The following IL1RAPL1 variants were observed in gnomAD, a reference collection of about 807,000 sequenced individuals.
IL1RAPL1 encodes interleukin-1 receptor accessory protein-like 1.
Under a neutral mutation model 48.4 loss-of-function variants are expected in IL1RAPL1, and 3 were observed. The observed-to-expected ratio is 0.06, with a 90% CI of 0.03 to 0.16. IL1RAPL1 has a LOEUF of 0.16. IL1RAPL1 is among the 10% of genes least tolerant of loss of function. The pLI, the probability that IL1RAPL1 is intolerant of heterozygous loss-of-function variation, is 1.00. For synonymous variants in IL1RAPL1, 185 were observed against 187.7 expected (o/e 0.99, Z 0.12); for missense variants, 349 against 530.6 (o/e 0.66, Z 3.36).
At chrX:29,271,782 C>T (rs1416173725) in intron 2 of IL1RAPL1, among the ~76,000 whole-genome samples, 5 of 111,993 alleles carry the variant, frequency 4.5e-5, no homozygotes, top group African/African-American at 1.6e-4. Context: ...GTTGGATGCA[C>T]AGTTTGCAAA....
In IL1RAPL1 at chrX:28,690,287, C is replaced by T. The variant is rs772923748; in HGVS notation, c.-24-99033C>T. Among the ~76,000 whole-genome samples the T allele has an allele frequency of 1.7e-4, 19 of 111,877 alleles. No homozygotes were observed. The East Asian group carries it at 2.8e-3, about 17-fold the overall frequency. On this transcript the variant is annotated intron_variant, in intron 1 of 10. Coordinates refer to ENST00000378993, the MANE Select transcript of IL1RAPL1 (RefSeq NM_014271.4). ...ATCGTACTTTCTCTTTGACCTTCTTCGCCTAAAGATATAACCAACTCCTAG... is the reference window on the plus strand; with the variant it reads ...ATCGTACTTTCTCTTTGACCTTCTTTGCCTAAAGATATAACCAACTCCTAG...
At chrX:29,089,708 T>C (rs1928037274) in intron 2 of IL1RAPL1, among the ~76,000 whole-genome samples, 1 of 89,342 alleles carries the variant, frequency 1.1e-5, no homozygotes, top group Admixed American at 1.3e-4. Flanking sequence ...ATTTTCCTTA[T>C]GGTCGTCGTT....
chrX:29,267,656 A>G (rs756240005), intron 2 of IL1RAPL1, among the ~76,000 whole-genome samples: 1 of 111,972 alleles, frequency 8.9e-6, no homozygotes, highest in African/African-American at 3.2e-5. Flanking sequence ...AATAAAAAAA[A>G]AATTCCATTT....
intron 2 of IL1RAPL1, among the ~76,000 whole-genome samples, chrX:28,820,788 C>G (rs149797375): frequency 3.1e-3 from 344 of 111,169 alleles, no homozygotes; most frequent in Non-Finnish European, 3.7e-3. Context: ...CACTCAGGAG[C>G]TGCCACGGAC....
chrX:28,979,484 A>G (rs959399091), intron 2 of IL1RAPL1, among the ~76,000 whole-genome samples: 1 of 111,985 alleles, frequency 8.9e-6, no homozygotes, highest in African/African-American at 3.2e-5. Flanking sequence ...TCCAGTCACT[A>G]TTTGTGCAGA....
chrX:29,595,936 T>C (rs773023089), intron 5 of IL1RAPL1, among the ~76,000 whole-genome samples: 1 of 111,751 alleles, frequency 8.9e-6, no homozygotes, highest in African/African-American at 3.3e-5. Context: ...AGGATCCAGT[T>C]TCATTCTTCT....
intron 8 of IL1RAPL1, among the ~76,000 whole-genome samples, chrX:29,937,928 TCTTG>T (rs1477242578): frequency 8.9e-6 from 1 of 111,861 alleles, no homozygotes. Context: ...GAAGAATTAT[TCTTG>T]CTTATTGCTC....
At chrX:29,564,107 G>A (rs1193421467) in intron 5 of IL1RAPL1, among the ~76,000 whole-genome samples, 1 of 111,702 alleles carries the variant, frequency 9.0e-6, no homozygotes, top group East Asian at 2.8e-4. Flanking sequence ...GGAACTGTGA[G>A]TAAGAGACAT....
chrX:28,994,356 A>G (rs1925680827), intron 2 of IL1RAPL1, among the ~76,000 whole-genome samples: 1 of 111,783 alleles, frequency 8.9e-6, no homozygotes, highest in Admixed American at 9.6e-5. Flanking sequence ...TGCTTATTTC[A>G]AAGACGACCC....
chrX:29,627,698 C>T (rs1481440507), intron 5 of IL1RAPL1, among the ~76,000 whole-genome samples: 6 of 111,313 alleles, frequency 5.4e-5, no homozygotes, highest in African/African-American at 1.3e-4. Flanking sequence ...CATCTAACCC[C>T]GGTGGTATTC....
At position 29,065,389 on chromosome X, in the gene IL1RAPL1, A is replaced by C. The variant is rs568869630; in HGVS notation, c.83-217549A>C. Among the ~76,000 whole-genome samples the C allele has an allele frequency of 4.7e-4, 53 of 111,649 alleles. No individual in the cohort carries two copies. In the South Asian group the frequency reaches 7.9e-3, roughly 17 times the overall value. On this transcript the variant is annotated intron_variant, in intron 2 of 10. Transcript: ENST00000378993. ...TTCTGCTGAGAAGTGAGCTGTTGGT[A>C]GTTCCCTTAAAGTTATTGAAGTTCC...
intron 2 of IL1RAPL1, among the ~76,000 whole-genome samples, chrX:29,085,299 G>A (rs189035383): frequency 0.018 from 2,011 of 111,401 alleles, 56 homozygotes; most frequent in African/African-American, 0.062. Flanking sequence ...ATATTAAAAA[G>A]CTGTAGCAAC....
rs1924351596 is a variant in IL1RAPL1, at chrX:28,947,926, TGTA to T, written c.82+158503_82+158505del. ...ATAGGCTTTAGAAATGGAAAAATCG[TGTA>T]GAAGGACGTTTTGGCAAGAGGGAAG... On this transcript the variant is annotated intron_variant, in intron 2 of 10. Coordinates refer to ENST00000378993, the MANE Select transcript of IL1RAPL1 (RefSeq NM_014271.4). 5.4e-5 allele frequency among the ~76,000 whole-genome samples: 6 copies of T among 111,534 alleles called. No individual in the cohort carries two copies. The South Asian group carries it at 2.2e-3, about 41-fold the overall frequency.
At chrX:29,488,506 C>T (rs765179408) in intron 5 of IL1RAPL1, among the ~76,000 whole-genome samples, 2 of 112,257 alleles carry the variant, frequency 1.8e-5, no homozygotes, top group African/African-American at 6.5e-5. Context: ...AGCATGGTGA[C>T]TATAGTTAAT....
At chrX:28,641,230 A>G (rs1227326193) in intron 1 of IL1RAPL1, among the ~76,000 whole-genome samples, 1 of 109,698 alleles carries the variant, frequency 9.1e-6, no homozygotes, top group African/African-American at 3.3e-5. Context: ...CCACTCCCCA[A>G]CAGGCCCCAG....
chrX:29,697,835 G>A (rs894286656), intron 6 of IL1RAPL1, among the ~76,000 whole-genome samples: 1 of 110,970 alleles, frequency 9.0e-6, no homozygotes, highest in Non-Finnish European at 1.9e-5. Flanking sequence ...TAGGAGTACC[G>A]AAGTTGCTTC....
chrX:29,445,061 G>A (rs1047851913), intron 5 of IL1RAPL1, among the ~76,000 whole-genome samples: 2 of 112,361 alleles, frequency 1.8e-5, no homozygotes, highest in Non-Finnish European at 3.8e-5. Flanking sequence ...AATTTCTCTT[G>A]AAAATTGCAC....
intron 6 of IL1RAPL1, among the ~76,000 whole-genome samples, chrX:29,820,859 G>T (rs1360353410): frequency 1.8e-5 from 2 of 111,857 alleles, no homozygotes; most frequent in East Asian, 2.8e-4. Context: ...TACACTAGTG[G>T]CATTCTCAGC....
At chrX:28,618,275 T>C (rs1166447696) in intron 1 of IL1RAPL1, among the ~76,000 whole-genome samples, 1 of 112,250 alleles carries the variant, frequency 8.9e-6, no homozygotes, top group Non-Finnish European at 1.9e-5. Context: ...CATAAAACGA[T>C]ATCTGATTTT....
Sources: allele counts gnomAD v4.1 joint callset (sites outside exome capture counted in the v4.1 genomes callset), GRCh38; gene constraint gnomAD v4.1.1; transcripts MANE v1.5; gene names NCBI Gene and HGNC (gene_info 2026-07-23, HGNC 2026-07-21).